The following SPSB1 variants were observed in gnomAD, a reference collection of about 807,000 sequenced individuals.
SPSB1 encodes splA/ryanodine receptor domain and SOCS box containing 1, also known as SPRY domain-containing SOCS box protein 1.
Under a neutral mutation model 21.2 loss-of-function variants are expected in SPSB1, and 8 were observed. The observed-to-expected ratio is 0.38, with a 90% confidence interval of 0.22 to 0.68. SPSB1 has a LOEUF of 0.68. SPSB1 is among the 30% of genes least tolerant of loss of function. The pLI, the probability that SPSB1 is intolerant of heterozygous loss-of-function variation, is 0.53. For synonymous variants in SPSB1, 169 were observed against 161.7 expected, an observed-to-expected ratio of 1.05 and a Z score of -0.34; for missense variants, 242 against 377.8, an observed-to-expected ratio of 0.64 and a Z score of 2.98.
chr1:9,308,358 A>G (rs1176928865), intron 1 of SPSB1, among the ~76,000 whole-genome samples: 2 of 152,154 alleles, frequency 1.3e-5, no homozygotes, highest in Non-Finnish European at 2.9e-5. Context: ...CTGCATACCC[A>G]GGGCCCCCGG....
rs996009644 is a variant in SPSB1, at chr1:9,363,979, C to A, written c.695-3469C>A. On this transcript the variant is annotated intron_variant, in intron 2 of 2. Coordinates refer to ENST00000328089, the MANE Select transcript of SPSB1 (RefSeq NM_025106.4). This position sits in a 1 kb window ranked among gnomAD's most constrained non-coding sequence, Gnocchi z 4.5. The stretch of plus-strand genomic sequence containing the variant: ...CCTCCCAAAGTGCTGGGATTACAGG[C>A]ATAAGCCACCGCGTCCAGCCTAGAA... Among the ~76,000 whole-genome samples the A allele has an allele frequency of 6.6e-6, 1 of 152,208 alleles. No homozygotes were observed. The highest frequency in any genetic ancestry group is 1.5e-5 in the Non-Finnish European group (1 of 68,038).
At position 9,321,874 on chromosome 1, in the gene SPSB1, G is replaced by A. The variant is rs1460094796; in HGVS notation, c.-150+28803G>A. On this transcript the variant is annotated intron_variant, in intron 1 of 2. Coordinates refer to ENST00000328089, the MANE Select transcript of SPSB1 (RefSeq NM_025106.4). The surrounding 1 kb of genome is among the most constrained non-coding windows in gnomAD (Gnocchi z 4.8). ...GGGTGGTGTTTTATGGGCAGAGTGG[G>A]GTGGGGAATATGACAGCAGCAAGAT... Among the ~76,000 whole-genome samples the A allele has an allele frequency of 6.6e-6, 1 of 152,110 alleles. No homozygotes were observed. The highest frequency in any genetic ancestry group is 2.4e-5 in the African/African-American group (1 of 41,408).
At chr1:9,308,918 C>T (rs1639466735) in intron 1 of SPSB1, among the ~76,000 whole-genome samples, 1 of 152,146 alleles carries the variant, frequency 6.6e-6, no homozygotes, top group Non-Finnish European at 1.5e-5. Context: ...CTCCAGGCCC[C>T]TGAGAGCCTG....
intron 1 of SPSB1, among the ~76,000 whole-genome samples, chr1:9,342,459 T>G (rs658738): frequency 0.33 from 50,190 of 151,802 alleles, 8,784 homozygotes; most frequent in African/African-American, 0.47. Context: ...CCCAGTGGCT[T>G]GTCAATTCGC....
At position 9,306,373 on chromosome 1, in the gene SPSB1, T is replaced by C. The variant is rs76604837; in HGVS notation, c.-150+13302T>C. ...CAGTTTTCCTTTGTGATGTCCAGCC[T>C]GGAGGAGGTGGAAGATGGATGGAGT... On this transcript the variant is annotated intron_variant, in intron 1 of 2. Coordinates refer to ENST00000328089, the MANE Select transcript of SPSB1 (RefSeq NM_025106.4). 4.2e-3 allele frequency among the ~76,000 whole-genome samples: 635 copies of C among 152,186 alleles called. 2 individuals are homozygous for C. Among genetic ancestry groups the C allele is most frequent in the Non-Finnish European group, 7.2e-3 (488 of 67,974 alleles).
At chr1:9,340,139 C>T (rs1356290337) in intron 1 of SPSB1, among the ~76,000 whole-genome samples, 5 of 152,202 alleles carry the variant, frequency 3.3e-5, no homozygotes, top group Non-Finnish European at 7.4e-5. Flanking sequence ...GTGCAGGGCA[C>T]GCAGGGTGAC....
chr1:9,295,239 TGTGCGC>T (rs1639201791), intron 1 of SPSB1, among the ~76,000 whole-genome samples: 2 of 134,862 alleles, frequency 1.5e-5, no homozygotes, highest in African/African-American at 5.5e-5. Flanking sequence ...TGTGTGTGTG[TGTGCGC>T]GCGTGCGGTT....
At position 9,314,392 on chromosome 1, in the gene SPSB1, C is replaced by T. The variant is rs181621827; in HGVS notation, c.-150+21321C>T. On this transcript the variant is annotated intron_variant, in intron 1 of 2. Coordinates refer to ENST00000328089, the MANE Select transcript of SPSB1 (RefSeq NM_025106.4). ...TGTTCTGCGAGCAGCTATCCTGGTA[C>T]CTTCCTGATGGGAAGATGGGCACCT... Among the ~76,000 whole-genome samples, 407 of 152,020 alleles carry T rather than the reference C, an allele frequency of 2.7e-3. 2 individuals are homozygous for T. The highest frequency in any genetic ancestry group is 3.4e-3 in the Non-Finnish European group (233 of 67,976).
rs866602487 is a variant in SPSB1 at position 9,321,460 on chromosome 1, C to T, written c.-150+28389C>T. On this transcript the variant is annotated intron_variant, in intron 1 of 2. Transcript: ENST00000328089. The surrounding 1 kb of genome is among the most constrained non-coding windows in gnomAD (Gnocchi z 4.8). ...ACCCGTTATTCGTCACCTTGGTGCCCGATAGAGAAGTGTCTCAGCAGTTCT... is the reference window on the plus strand; with the variant it reads ...ACCCGTTATTCGTCACCTTGGTGCCTGATAGAGAAGTGTCTCAGCAGTTCT... 6.6e-6 allele frequency among the ~76,000 whole-genome samples: 1 copy of T among 152,054 alleles called. No homozygotes were observed. Among genetic ancestry groups the T allele is most frequent in the Non-Finnish European group, 1.5e-5 (1 of 68,022 alleles).
intron 1 of SPSB1, among the ~76,000 whole-genome samples, chr1:9,306,593 T>G (rs1557445909): frequency 6.6e-6 from 1 of 152,178 alleles, no homozygotes; most frequent in East Asian, 1.9e-4. Context: ...CTAGGGCAAC[T>G]CTGGGCCTCC....
intron 1 of SPSB1, among the ~76,000 whole-genome samples, chr1:9,353,406 T>C (rs1350881962): frequency 6.6e-6 from 1 of 152,124 alleles, no homozygotes; most frequent in East Asian, 1.9e-4. Context: ...CCTAGAGGTT[T>C]CAGTGGCTCC....
In SPSB1 at chr1:9,305,528, G is replaced by A. The variant is rs545169408; in HGVS notation, c.-150+12457G>A. Reference sequence around the variant, plus strand: ...GTCGGATGAAGGAGTAGGTAAGACCGGTGGCGTAGTGGATCCTAGCAGGGT... The same window carrying A: ...GTCGGATGAAGGAGTAGGTAAGACCAGTGGCGTAGTGGATCCTAGCAGGGT... On this transcript the variant is annotated intron_variant, in intron 1 of 2. Coordinates refer to ENST00000328089, the MANE Select transcript of SPSB1 (RefSeq NM_025106.4). This position sits in a 1 kb window ranked among gnomAD's most constrained non-coding sequence, Gnocchi z 4.8. Among the ~76,000 whole-genome samples the A allele has an allele frequency of 1.2e-3, 182 of 152,298 alleles. 1 individual carries two copies. The highest frequency in any genetic ancestry group is 1.3e-3 in the Non-Finnish European group (91 of 68,020).
At chr1:9,307,058 G>T (rs1639426308) in intron 1 of SPSB1, among the ~76,000 whole-genome samples, 1 of 151,894 alleles carries the variant, frequency 6.6e-6, no homozygotes, top group Non-Finnish European at 1.5e-5. Flanking sequence ...CTCCTGGGTA[G>T]CTGGGATTAC....
chr1:9,365,091 AGGT>A, intron 2 of SPSB1, among the ~76,000 whole-genome samples: 4 of 152,200 alleles, frequency 2.6e-5, no homozygotes, highest in Admixed American at 2.6e-4. Flanking sequence ...TCCTGCCCTC[AGGT>A]AATGCGCCGG....
At position 9,356,835 on chromosome 1, in the gene SPSB1, A is replaced by T. The variant is rs1640371992; in HGVS notation, c.694+250A>T. Among the ~76,000 whole-genome samples the T allele has an allele frequency of 6.6e-6, 1 of 152,126 alleles. No homozygotes were observed. The highest frequency in any genetic ancestry group is 2.1e-4 in the South Asian group (1 of 4,828). On this transcript the variant is annotated intron_variant, in intron 2 of 2. Coordinates refer to ENST00000328089, the MANE Select transcript of SPSB1 (RefSeq NM_025106.4). This position sits in a 1 kb window ranked among gnomAD's most constrained non-coding sequence, Gnocchi z 7.4. ...TGGATGATGGATGATGAATGAATAG[A>T]TGGATGAATGATTGGTTGGATGGAT...
chr1:9,325,570 G>C, intron 1 of SPSB1, among the ~76,000 whole-genome samples: 1 of 142,944 alleles, frequency 7.0e-6, no homozygotes, highest in East Asian at 1.9e-4. Context: ...GGAACAGACA[G>C]TCACTCAGCA....
At chr1:9,337,100 G>T (rs913121272) in intron 1 of SPSB1, among the ~76,000 whole-genome samples, 1 of 152,136 alleles carries the variant, frequency 6.6e-6, no homozygotes, top group Admixed American at 6.5e-5. Context: ...AGTTCTGCTT[G>T]TCCCAATGAG....
At position 9,365,520 on chromosome 1, in the gene SPSB1, C is replaced by T. The variant is rs926975733; in HGVS notation, c.695-1928C>T. Among the ~76,000 whole-genome samples the T allele has an allele frequency of 2.0e-5, 3 of 152,128 alleles. No homozygotes were observed. In the South Asian group the frequency reaches 6.2e-4, roughly 32 times the overall value. The stretch of plus-strand genomic sequence containing the variant: ...CTTTACTGAGCTATAATTCACATAC[C>T]TTACAATTCACCCATTAAAGTATCC... On this transcript the variant is annotated intron_variant, in intron 2 of 2. Coordinates refer to ENST00000328089, the MANE Select transcript of SPSB1 (RefSeq NM_025106.4).
In SPSB1 at chr1:9,340,903, G is replaced by A. The variant is rs774155177; in HGVS notation, c.-149-14840G>A. 8.4e-4 allele frequency among the ~76,000 whole-genome samples: 128 copies of A among 152,174 alleles called. 2 individuals are homozygous for A. Among genetic ancestry groups the A allele is most frequent in the Non-Finnish European group, 4.7e-4 (32 of 68,038 alleles). ...CCTCCTGTGTACCTGGCTGCGGTGC[G>A]GGGAGGCAGAGTGGGAAGGGGAGAA... is the stretch of plus-strand genomic sequence containing the variant. On this transcript the variant is annotated intron_variant, in intron 1 of 2. Transcript: ENST00000328089.
Sources: gnomAD v4.1 joint callset for allele counts (sites outside exome capture counted in the v4.1 genomes callset) on GRCh38, gnomAD v4.1.1 for gene constraint, Gnocchi (gnomAD v3.1) non-coding constraint, MANE v1.5 for transcripts, NCBI Gene and HGNC (gene_info 2026-07-23, HGNC 2026-07-21) for gene names.